The following LDB3 variants were observed in gnomAD, a reference collection of about 807,000 sequenced individuals.
LDB3 encodes LIM domain binding 3.
Under a neutral mutation model 69.0 loss-of-function variants are expected in LDB3, and 49 were observed. That is an observed-to-expected ratio of 0.71 (90% CI 0.56 to 0.90). The LOEUF is 0.90. Ranked by LOEUF, LDB3 falls within the 40% of genes least tolerant of loss-of-function variation. The pLI is 0.00. For synonymous variants in LDB3, 387 were observed against 396.2 expected (o/e 0.98, Z 0.28); for missense variants, 928 against 974.1 (o/e 0.95, Z 0.63).
chr10:86,671,729 G>A (rs1367054962), intron 2 of LDB3, among the ~76,000 whole-genome samples: 2 of 152,222 alleles, frequency 1.3e-5, no homozygotes, highest in South Asian at 2.1e-4. Flanking sequence ...TTGGGGAAGA[G>A]GAGTATGCTT....
intron 7 of LDB3, among the ~76,000 whole-genome samples, chr10:86,704,169 T>C (rs976829877): frequency 4.0e-5 from 6 of 151,750 alleles, no homozygotes; most frequent in African/African-American, 1.5e-4. Flanking sequence ...TGCTCAGTTC[T>C]GCCCCAGACC....
At chr10:86,707,581 A>C (rs1207729900) in intron 8 of LDB3, among the ~76,000 whole-genome samples, 1 of 152,134 alleles carries the variant, frequency 6.6e-6, no homozygotes, top group Non-Finnish European at 1.5e-5. Flanking sequence ...CTGGGCTTCC[A>C]AGAGTAGGCC....
Sources: gnomAD v4.1 joint callset for allele counts (sites outside exome capture counted in the v4.1 genomes callset) on GRCh38, gnomAD v4.1.1 for gene constraint, MANE v1.5 for transcripts, NCBI Gene and HGNC (gene_info 2026-07-23, HGNC 2026-07-21) for gene names.